The following ACSS3 variants were observed in gnomAD, a reference collection of about 807,000 sequenced individuals.
The protein encoded by ACSS3 is acyl-CoA synthetase short chain family member 3.
In ACSS3, 64 loss-of-function variants were observed where a neutral mutation model predicts 84.2. The ratio of observed to expected loss-of-function variants is 0.76; its 90% CI spans 0.62 to 0.94. The LOEUF (loss-of-function observed/expected upper bound fraction) is 0.94, where lower values mean the gene tolerates loss of function less well. Among genes scored for constraint, ACSS3 ranks in the 40% least tolerant of loss-of-function variants. The probability of loss-of-function intolerance (pLI) is 0.00; values close to 1 mark genes in which losing one functional copy is unlikely to be tolerated. For synonymous variants in ACSS3, 317 were observed against 310.1 expected, an observed-to-expected ratio of 1.02 and a Z score of -0.23; for missense variants, 815 against 867.6, an observed-to-expected ratio of 0.94 and a Z score of 0.76.
At position 81,253,629 on chromosome 12, in the gene ACSS3, C is replaced by T. The variant is rs774676965; in HGVS notation, c.1954C>T (p.Arg652Ter). 10 of 1,613,698 alleles carry T rather than the reference C, an allele frequency of 6.2e-6. No homozygotes were observed. Among genetic ancestry groups the T allele is most frequent in the East Asian group, 2.2e-5 (1 of 44,874 alleles). The part of the protein sequence containing the change: ...LPKTRSGKIP[R>*]SALSAIVNGK... ...CAAAACCAGATCTGGCAAGATCCCCCGATCAGCTTTATCTGCCATTGTCAA... is the reference window on the plus strand; with the variant it reads ...CAAAACCAGATCTGGCAAGATCCCCTGATCAGCTTTATCTGCCATTGTCAA... The change falls in exon 15 of 16, where the codon CGA becomes TGA. Residue 652 changes from arginine to a stop codon, truncating the protein, a stop_gained. Transcript: ENST00000548058. LOFTEE classifies it high-confidence loss of function.
Position 81,233,348 on chromosome 12 carries a change from G to A in ACSS3, c.1597-1G>A. ...CAAATGTTATTTTTTCTTGTTTTCA[G>A]GGATATTATGATACCATGGATGCTG... is the stretch of plus-strand genomic sequence containing the variant. On this transcript the variant is annotated splice_acceptor_variant, in intron 12 of 15. Coordinates refer to ENST00000548058, the MANE Select transcript of ACSS3 (RefSeq NM_024560.4). LOFTEE classifies it high-confidence loss of function. The A allele has an allele frequency of 6.2e-7, 1 of 1,609,376 alleles. No homozygotes were observed.
chr12:81,215,390 G>A (rs1004935063), intron 9 of ACSS3, among the ~76,000 whole-genome samples: 1 of 152,148 alleles, frequency 6.6e-6, no homozygotes, highest in Non-Finnish European at 1.5e-5. Context: ...ACTGTGTTTT[G>A]ATGTTCAAGA....
intron 1 of ACSS3, among the ~76,000 whole-genome samples, chr12:81,100,216 G>GTTTTT (rs34512313): frequency 6.6e-5 from 7 of 106,554 alleles, no homozygotes; most frequent in East Asian, 2.7e-4. Flanking sequence ...AAAATTACCA[G>GTTTTT]TTTTTTTTTT....
intron 2 of ACSS3, among the ~76,000 whole-genome samples, chr12:81,133,135 G>C (rs1479559525): frequency 6.7e-6 from 1 of 149,734 alleles, no homozygotes; most frequent in African/African-American, 2.5e-5. Flanking sequence ...TTTTCTTTCT[G>C]TCTTTCACCA....
chr12:81,166,672 A>T (rs1454830396), intron 7 of ACSS3, among the ~76,000 whole-genome samples: 1 of 152,242 alleles, frequency 6.6e-6, no homozygotes, highest in Non-Finnish European at 1.5e-5. Context: ...TGATCAGGGT[A>T]TCATTAGCCC....
chr12:81,133,205 A>G (rs1885615736), intron 2 of ACSS3, among the ~76,000 whole-genome samples: 1 of 152,096 alleles, frequency 6.6e-6, no homozygotes. Flanking sequence ...ATAAATAGAA[A>G]AGAGAAAAAT....
chr12:81,163,079 C>T (rs998661013), intron 7 of ACSS3, among the ~76,000 whole-genome samples: 1 of 152,002 alleles, frequency 6.6e-6, no homozygotes, highest in Non-Finnish European at 1.5e-5. Flanking sequence ...AAGTTGTCTC[C>T]ACAGTAACCA....
At chr12:81,162,988 C>T (rs1019648470) in intron 7 of ACSS3, among the ~76,000 whole-genome samples, 2 of 152,068 alleles carry the variant, frequency 1.3e-5, no homozygotes, top group African/African-American at 4.8e-5. Context: ...CAGGGGCTTC[C>T]TGGGCCTCCG....
chr12:81,128,134 A>C (rs1302310533), intron 2 of ACSS3, among the ~76,000 whole-genome samples: 1 of 152,040 alleles, frequency 6.6e-6, no homozygotes, highest in Non-Finnish European at 1.5e-5. Context: ...ATAATATATA[A>C]ATTTCAGTTG....
chr12:81,201,700 T>C (rs983346704), intron 9 of ACSS3, among the ~76,000 whole-genome samples: 2 of 152,242 alleles, frequency 1.3e-5, no homozygotes, highest in African/African-American at 4.8e-5. Flanking sequence ...ATGTGGATTT[T>C]ACTAATAAAA....
chr12:81,103,922 A>G (rs1190163776), intron 1 of ACSS3, among the ~76,000 whole-genome samples: 2 of 152,202 alleles, frequency 1.3e-5, no homozygotes, highest in African/African-American at 2.4e-5. Flanking sequence ...AATGGGATTA[A>G]TAATAATACC....
intron 7 of ACSS3, among the ~76,000 whole-genome samples, chr12:81,154,970 A>G (rs2067098944): frequency 6.6e-6 from 1 of 152,056 alleles, no homozygotes; most frequent in African/African-American, 2.4e-5. Flanking sequence ...GTTTTCTCTC[A>G]CGTTCTTGGG....
At chr12:81,232,103 CT>C (rs1405536123) in intron 12 of ACSS3, among the ~76,000 whole-genome samples, 4 of 151,778 alleles carry the variant, frequency 2.6e-5, no homozygotes, top group African/African-American at 9.7e-5. Context: ...TAAACATCCC[CT>C]GATAGAGTGT....
chr12:81,081,775 A>G (rs1235073065), intron 1 of ACSS3, among the ~76,000 whole-genome samples: 4 of 152,248 alleles, frequency 2.6e-5, no homozygotes, highest in African/African-American at 9.6e-5. Context: ...AACAGTGACT[A>G]TAAACCAAAA....
At chr12:81,254,682 T>C (rs1373183372) in intron 15 of ACSS3, among the ~76,000 whole-genome samples, 175 bp from the exon 16 acceptor site, 8 of 152,160 alleles carry the variant, frequency 5.3e-5, no homozygotes, top group Non-Finnish European at 1.2e-4. Context: ...TTTTTTACTC[T>C]GGAAAGCTAC....
intron 1 of ACSS3, among the ~76,000 whole-genome samples, chr12:81,105,151 A>G (rs1376040701): frequency 1.2e-4 from 19 of 152,224 alleles, no homozygotes; most frequent in Admixed American, 1.2e-3. Context: ...CAGCACTGAG[A>G]TGACACAGAG....
At chr12:81,169,282 A>T (rs1441052319) in intron 7 of ACSS3, among the ~76,000 whole-genome samples, 1 of 152,138 alleles carries the variant, frequency 6.6e-6, no homozygotes, top group East Asian at 1.9e-4. Flanking sequence ...TTATAAGTAA[A>T]TTTTCAATTA....
chr12:81,248,881 A>G (rs895048942), intron 13 of ACSS3, among the ~76,000 whole-genome samples: 1 of 151,976 alleles, frequency 6.6e-6, no homozygotes, highest in African/African-American at 2.4e-5. Flanking sequence ...GTACAAAAAA[A>G]CCGTAAAATT....
chr12:81,162,885 C>G (rs1593146383), intron 7 of ACSS3, among the ~76,000 whole-genome samples: 1 of 152,160 alleles, frequency 6.6e-6, no homozygotes, highest in East Asian at 1.9e-4. Context: ...ATCACCTGGA[C>G]AGGGCCACAA....
Sources: gnomAD v4.1 joint callset for allele counts (sites outside exome capture counted in the v4.1 genomes callset) on GRCh38, gnomAD v4.1.1 for gene constraint, MANE v1.5 for transcripts, NCBI Gene and HGNC (gene_info 2026-07-23, HGNC 2026-07-21) for gene names.